Variants in XKR9 observed in about 807,000 individuals in gnomAD.
XKR9 encodes the protein XK-related protein 9.
A neutral mutation model predicts 32.0 loss-of-function variants in XKR9; 32 were observed. That is an observed-to-expected ratio of 1.00 (90% CI 0.76 to 1.34). XKR9 has a LOEUF of 1.34. Ranked by LOEUF, XKR9 falls within the 40% of genes most tolerant of loss-of-function variation. XKR9 has a pLI of 0.00. For missense variants in XKR9, 546 were observed against 429.7 expected, an observed-to-expected ratio of 1.27 and a Z score of -2.39; for synonymous variants, 168 against 143.4, an observed-to-expected ratio of 1.17 and a Z score of -1.22.
the XKR9 span, among the ~76,000 whole-genome samples, chr8:70,861,038 T>A: frequency 6.0e-4 from 91 of 152,306 alleles, 1 homozygote; most frequent in African/African-American, 2.1e-3. Flanking sequence ...AATGTCTTTT[T>A]TTCTTAAATG....
chr8:70,980,255 C>G, the XKR9 span, among the ~76,000 whole-genome samples: 1 of 152,238 alleles, frequency 6.6e-6, no homozygotes, highest in Admixed American at 6.5e-5. Flanking sequence ...GGCTCACCCT[C>G]TGTGGGCTGC....
At chr8:70,718,433 G>A (rs1044304196) in intron 4 of XKR9, among the ~76,000 whole-genome samples, 93 of 151,968 alleles carry the variant, frequency 6.1e-4, no homozygotes, top group African/African-American at 2.1e-3. Flanking sequence ...TTTAAGCCCC[G>A]CATGCATTAG....
chr8:70,862,127 C>T, the XKR9 span, among the ~76,000 whole-genome samples: 6 of 152,114 alleles, frequency 3.9e-5, no homozygotes, highest in Non-Finnish European at 8.8e-5. Context: ...ATGGATGCTT[C>T]CCCTTGTCTC....
the XKR9 span, among the ~76,000 whole-genome samples, chr8:70,937,555 T>C: frequency 6.6e-6 from 1 of 152,068 alleles, no homozygotes; most frequent in East Asian, 1.9e-4. Flanking sequence ...GAGGGAATTG[T>C]GCAATTGACT....
chr8:71,065,296 G>A, the XKR9 span, among the ~76,000 whole-genome samples: 3 of 152,092 alleles, frequency 2.0e-5, no homozygotes, highest in African/African-American at 7.2e-5. Flanking sequence ...AATCTGACAG[G>A]ATTGGTGGCC....
chr8:70,703,973 G>A (rs1805631353), intron 3 of XKR9, among the ~76,000 whole-genome samples: 1 of 152,070 alleles, frequency 6.6e-6, no homozygotes, highest in South Asian at 2.1e-4. Flanking sequence ...ATGAGGTCAG[G>A]AGATCAAGAC....
chr8:70,690,451 A>G (rs1819473725), intron 3 of XKR9, among the ~76,000 whole-genome samples: 1 of 151,658 alleles, frequency 6.6e-6, no homozygotes, highest in South Asian at 2.1e-4. Flanking sequence ...CTCCTGCCTC[A>G]GTCTCCCGAG....
At chr8:70,684,720 T>C (rs1046334860) in intron 3 of XKR9, among the ~76,000 whole-genome samples, 29 of 146,956 alleles carry the variant, frequency 2.0e-4, no homozygotes, top group Middle Eastern at 6.8e-3. Context: ...AAGACATTTA[T>C]GCAGCCAAAA....
chr8:70,918,127 A>C, the XKR9 span, among the ~76,000 whole-genome samples: 1 of 152,202 alleles, frequency 6.6e-6, no homozygotes, highest in South Asian at 2.1e-4. Context: ...AAATTCCTTC[A>C]CATTTTATCT....
chr8:70,810,251 G>C, the XKR9 span, among the ~76,000 whole-genome samples: 17 of 152,098 alleles, frequency 1.1e-4, no homozygotes, highest in Non-Finnish European at 2.2e-4. Context: ...GAGAGATTTT[G>C]TCACCACCAG....
At chr8:70,854,441 G>A in the XKR9 span, among the ~76,000 whole-genome samples, 1 of 152,126 alleles carries the variant, frequency 6.6e-6, no homozygotes, top group Non-Finnish European at 1.5e-5. Context: ...CAGATGAGTA[G>A]ATTGCAAAAA....
the XKR9 span, among the ~76,000 whole-genome samples, chr8:70,969,141 G>GT: frequency 6.6e-6 from 1 of 152,182 alleles, no homozygotes; most frequent in Non-Finnish European, 1.5e-5. Flanking sequence ...ATAAGAAGAG[G>GT]TAAGTGGCAA....
At chr8:70,878,564 C>T in the XKR9 span, among the ~76,000 whole-genome samples, 2 of 152,022 alleles carry the variant, frequency 1.3e-5, no homozygotes, top group Admixed American at 6.6e-5. Flanking sequence ...AAGAAGACCA[C>T]TACATAATGG....
chr8:70,693,234 T>C (rs1254031515), intron 3 of XKR9, among the ~76,000 whole-genome samples: 1 of 152,228 alleles, frequency 6.6e-6, no homozygotes, highest in East Asian at 1.9e-4. Context: ...TTCTGGATGT[T>C]TTCACTTGGC....
chr8:70,732,890 G>C (rs951783700), intron 4 of XKR9, among the ~76,000 whole-genome samples: 1 of 152,196 alleles, frequency 6.6e-6, no homozygotes, highest in Non-Finnish European at 1.5e-5. Flanking sequence ...GGCTGAGCTG[G>C]GTGGATCAAT....
At chr8:70,808,694 C>T in the XKR9 span, among the ~76,000 whole-genome samples, 5 of 152,234 alleles carry the variant, frequency 3.3e-5, no homozygotes, top group Non-Finnish European at 5.9e-5. Flanking sequence ...GAGCCTTGCT[C>T]ATTGCTAGCA....
At chr8:70,697,226 T>A (rs1326498425) in intron 3 of XKR9, among the ~76,000 whole-genome samples, 1 of 151,788 alleles carries the variant, frequency 6.6e-6, no homozygotes, top group East Asian at 1.9e-4. Flanking sequence ...CTATGTTGAA[T>A]AGGAGTAGTG....
the XKR9 span, among the ~76,000 whole-genome samples, chr8:70,805,655 C>G: frequency 6.6e-6 from 1 of 152,226 alleles, no homozygotes; most frequent in African/African-American, 2.4e-5. Context: ...GCCAGAGTGC[C>G]TCTTCAGGCG....
intron 3 of XKR9, among the ~76,000 whole-genome samples, chr8:70,701,936 A>G (rs1328788622): frequency 6.6e-6 from 1 of 152,170 alleles, no homozygotes; most frequent in East Asian, 1.9e-4. Context: ...TTTGATGGAT[A>G]TATGAAAGGC....
Sources: allele counts gnomAD v4.1 joint callset (sites outside exome capture counted in the v4.1 genomes callset), GRCh38; gene constraint gnomAD v4.1.1; transcripts MANE v1.5; gene names NCBI Gene and HGNC (gene_info 2026-07-23, HGNC 2026-07-21).